Variants in AGO3 observed in about 807,000 individuals in gnomAD.
AGO3 encodes the protein protein argonaute-3.
In AGO3, 16 loss-of-function variants were observed where a neutral mutation model predicts 105.5. The observed-to-expected ratio is 0.15, with a 90% CI of 0.10 to 0.23. The LOEUF is 0.23. AGO3 is among the 10% of genes least tolerant of loss of function. The pLI is 1.00. For missense variants in AGO3, 534 were observed against 1,088.0 expected (o/e 0.49, Z 7.16); for synonymous variants, 340 against 367.3 (o/e 0.93, Z 0.85).
intron 9 of AGO3, among the ~76,000 whole-genome samples, chr1:36,012,419 A>C (rs1232817239): frequency 6.6e-6 from 1 of 152,048 alleles, no homozygotes; most frequent in African/African-American, 2.4e-5. Flanking sequence ...TTTAAGCATG[A>C]ATTTCAGTGA....
chr1:35,932,382 G>A (rs1285703742), intron 1 of AGO3, among the ~76,000 whole-genome samples: 2 of 152,106 alleles, frequency 1.3e-5, no homozygotes, highest in African/African-American at 4.8e-5. Context: ...GTTACTAATG[G>A]TGTTACAAGT....
rs776490650 is a variant in AGO3, at chr1:36,067,825, CAA to C, written c.*12093_*12094del. On this transcript the variant is annotated 3_prime_UTR_variant, in exon 19 of 19. Transcript: ENST00000373191. Reference sequence around the variant, plus strand: ...TGGGTGGCAGAGTGAGACTCCGTCTCAAAAAAAAAAAAAAGAAGGAATAGGAA... The same window carrying C: ...TGGGTGGCAGAGTGAGACTCCGTCTCAAAAAAAAAAAAGAAGGAATAGGAA... The C allele has an allele frequency of 1.7e-4, 16 of 91,480 alleles. No homozygotes were observed. The highest frequency in any genetic ancestry group is 3.3e-4 in the South Asian group (1 of 3,032). The allele number at this position is 91,480 out of a possible 1,614,324, so 5.7% of individuals were successfully genotyped here.
intron 1 of AGO3, among the ~76,000 whole-genome samples, chr1:35,944,242 T>A (rs1448278449): frequency 6.6e-6 from 1 of 152,016 alleles, no homozygotes; most frequent in Non-Finnish European, 1.5e-5. Flanking sequence ...AATACTTTTT[T>A]TTTTTTAAGA....
chr1:35,945,681 T>G lies in AGO3; in HGVS notation c.20-11T>G, dbSNP rs745384722. ...AACTGTGACTCTTTTTTTTTCCCTTTCCCCTGGCAGGACCCGCTGGGGCCC... is the reference window on the plus strand; with the variant it reads ...AACTGTGACTCTTTTTTTTTCCCTTGCCCCTGGCAGGACCCGCTGGGGCCC... On this transcript the variant is annotated splice_polypyrimidine_tract_variant and intron_variant, in intron 1 of 18. Coordinates refer to ENST00000373191, the MANE Select transcript of AGO3 (RefSeq NM_024852.4). The G allele has an allele frequency of 5.6e-6, 9 of 1,607,042 alleles. No individual in the cohort carries two copies. The South Asian group carries it at 8.9e-5, about 16-fold the overall frequency.
At chr1:36,011,800 T>C (rs1158451034) in intron 9 of AGO3, among the ~76,000 whole-genome samples, 1 of 152,226 alleles carries the variant, frequency 6.6e-6, no homozygotes, top group African/African-American at 2.4e-5. Context: ...TTTTTGGCAA[T>C]CATTTTACTT....
intron 8 of AGO3, 67 bp downstream of exon 8, chr1:36,009,111 ATAACT>A: frequency 7.3e-7 from 1 of 1,369,804 alleles, no homozygotes; most frequent in Non-Finnish European, 9.1e-7. Context: ...TTTATGGCCG[ATAACT>A]TACCTCATAC....
intron 1 of AGO3, among the ~76,000 whole-genome samples, chr1:35,938,323 C>T (rs1463941378): frequency 6.6e-6 from 1 of 152,046 alleles, no homozygotes; most frequent in Non-Finnish European, 1.5e-5. Context: ...ATAATAACTA[C>T]ATGTTTATTA....
intron 2 of AGO3, among the ~76,000 whole-genome samples, chr1:35,953,309 A>G (rs953712401): frequency 6.6e-6 from 1 of 152,116 alleles, no homozygotes; most frequent in African/African-American, 2.4e-5. Context: ...ACCATTTTAC[A>G]TTCCCACTAG....
intron 1 of AGO3, among the ~76,000 whole-genome samples, chr1:35,933,017 A>T (rs192853867): frequency 2.0e-5 from 3 of 152,226 alleles, no homozygotes; most frequent in African/African-American, 7.2e-5. Context: ...CACCTAGTCA[A>T]CTGGTACAAC....
At position 35,972,094 on chromosome 1, in the gene AGO3, T is replaced by C; in HGVS notation, c.383T>C (p.Val128Ala). 6.2e-7 allele frequency: 1 copy of C among 1,614,126 alleles called. No homozygotes were observed. The highest frequency in any genetic ancestry group is 8.5e-7 in the Non-Finnish European group (1 of 1,180,024). ...DRPFKVSIKF[V>A]SRVSWHLLHE... is the part of the protein sequence containing the mutation. ...CCTTTCAAGGTGTCAATCAAATTTG[T>C]CTCTCGGGTGAGTTGGCACCTACTG... The change falls in exon 4 of 19, where the codon GTC becomes GCC. Residue 128 changes from valine (V) to alanine (A), a missense_variant. Around this residue, in one of 2 missense-constraint regions of AGO3, gnomAD observed 161 missense variants for 234.0 expected, o/e 0.69. Transcript: ENST00000373191.
In AGO3 at chr1:35,943,433, C is replaced by G. The variant is rs561574851; in HGVS notation, c.20-2259C>G. On this transcript the variant is annotated intron_variant, in intron 1 of 18. Coordinates refer to ENST00000373191, the MANE Select transcript of AGO3 (RefSeq NM_024852.4). ...TCTGTCATCCCAGCCTCCCAGGTAT[C>G]TGGGATTACAGGTGCCTGCCATCAT... Among the ~76,000 whole-genome samples, 3 of 150,610 alleles carry G rather than the reference C, an allele frequency of 2.0e-5. No individual in the cohort carries two copies. In the East Asian group the frequency reaches 5.9e-4, roughly 29 times the overall value.
intron 5 of AGO3, among the ~76,000 whole-genome samples, chr1:35,994,614 C>T (rs974910059): frequency 1.3e-5 from 2 of 152,030 alleles, no homozygotes; most frequent in African/African-American, 4.8e-5. Flanking sequence ...ACATAATACT[C>T]TACATTAAAG....
chr1:35,951,140 G>A (rs1363296294), intron 2 of AGO3, among the ~76,000 whole-genome samples: 5 of 152,070 alleles, frequency 3.3e-5, no homozygotes, highest in African/African-American at 4.8e-5. Flanking sequence ...TAGTGGAGTC[G>A]GGGTTTCGCC....
At chr1:36,011,317 G>C (rs1640600869) in intron 9 of AGO3, among the ~76,000 whole-genome samples, 1 of 152,064 alleles carries the variant, frequency 6.6e-6, no homozygotes, top group African/African-American at 2.4e-5. Flanking sequence ...GGCAAAAACT[G>C]GCTCTTTTAT....
In AGO3 at chr1:35,994,279, G is replaced by A. The variant is rs1648054383; in HGVS notation, c.659-10062G>A. Reference sequence around the variant, plus strand: ...TCATTTTTTGAGGCTGGTAAACCTGGTACTAACCCCTGACAAAGACAATAT... The same window carrying A: ...TCATTTTTTGAGGCTGGTAAACCTGATACTAACCCCTGACAAAGACAATAT... On this transcript the variant is annotated intron_variant, in intron 5 of 18. Coordinates refer to ENST00000373191, the MANE Select transcript of AGO3 (RefSeq NM_024852.4). 2.0e-5 allele frequency among the ~76,000 whole-genome samples: 3 copies of A among 151,612 alleles called. No homozygotes were observed. The South Asian group carries it at 6.2e-4, about 32-fold the overall frequency.
intron 11 of AGO3, among the ~76,000 whole-genome samples, chr1:36,022,923 AAAAAAAAAAC>A (rs1459472875): frequency 1.7e-3 from 41 of 24,844 alleles, no homozygotes; most frequent in African/African-American, 2.7e-3. Context: ...CTCCGTCTCA[AAAAAAAAAAC>A]AAAAAAAAAA....
chr1:36,037,689 T>C (rs1043091491), intron 14 of AGO3, among the ~76,000 whole-genome samples: 1 of 152,234 alleles, frequency 6.6e-6, no homozygotes, highest in African/African-American at 2.4e-5. Flanking sequence ...AATTAATTTT[T>C]ATCTATTAAT....
At chr1:36,040,603 T>A (rs1436606461) in intron 16 of AGO3, among the ~76,000 whole-genome samples, 162 bp downstream of exon 16, 1 of 152,190 alleles carries the variant, frequency 6.6e-6, no homozygotes, top group Non-Finnish European at 1.5e-5. Context: ...TAGATTATTT[T>A]TAACTTTCTA....
intron 3 of AGO3, among the ~76,000 whole-genome samples, chr1:35,971,049 T>C (rs1482605355): frequency 4.4e-5 from 6 of 137,138 alleles, no homozygotes; most frequent in African/African-American, 1.9e-4. Flanking sequence ...TATATATTTT[T>C]TATTATAAAT....
Sources: allele counts gnomAD v4.1 joint callset (sites outside exome capture counted in the v4.1 genomes callset), GRCh38; gene constraint gnomAD v4.1.1; regional missense constraint gnomAD v4.1.1; transcripts MANE v1.5; gene names NCBI Gene and HGNC (gene_info 2026-07-23, HGNC 2026-07-21).